The following MTHFD2L variants were observed in gnomAD, a reference collection of about 807,000 sequenced individuals.
MTHFD2L encodes the protein methylenetetrahydrofolate dehydrogenase (NADP+ dependent) 2 like, also known as bifunctional methylenetetrahydrofolate dehydrogenase/cyclohydrolase 2, mitochondrial.
In MTHFD2L, 29 loss-of-function variants were observed where a neutral mutation model predicts 34.9. That is an observed-to-expected ratio of 0.83 (90% CI 0.62 to 1.13). MTHFD2L has a LOEUF of 1.13. Ranked by LOEUF, MTHFD2L falls within the 50% of genes most tolerant of loss-of-function variation. The pLI is 0.00. For synonymous variants in MTHFD2L, 167 were observed against 155.7 expected, an observed-to-expected ratio of 1.07 and a Z score of -0.54; for missense variants, 481 against 446.5, an observed-to-expected ratio of 1.08 and a Z score of -0.70.
intron 4 of MTHFD2L, 23 bp downstream of exon 4, chr4:74,199,969 G>A (rs757817950): frequency 6.2e-7 from 1 of 1,612,912 alleles, no homozygotes; most frequent in Admixed American, 1.7e-5. Context: ...TGGTCTGCAG[G>A]ACATGGATGC....
chr4:74,184,859 CT>C (rs1401704061), intron 3 of MTHFD2L, among the ~76,000 whole-genome samples: 1 of 151,888 alleles, frequency 6.6e-6, no homozygotes, highest in East Asian at 1.9e-4. Context: ...GTAACAAAAC[CT>C]TCTGGAAGGC....
chr4:74,140,145 TA>T (rs896559869), intron 1 of MTHFD2L, among the ~76,000 whole-genome samples: 104 of 145,480 alleles, frequency 7.1e-4, no homozygotes, highest in Middle Eastern at 3.5e-3. Flanking sequence ...TACAAAAAAT[TA>T]AAAAAAAAAA....
intron 7 of MTHFD2L, among the ~76,000 whole-genome samples, chr4:74,287,736 G>A (rs1199176837): frequency 1.3e-5 from 2 of 152,156 alleles, no homozygotes; most frequent in Admixed American, 1.3e-4. Context: ...GACACAGTGA[G>A]ACTCTGTCTC....
intron 1 of MTHFD2L, 123 bp downstream of exon 1, chr4:74,158,404 C>A (rs777437929): frequency 8.2e-6 from 6 of 732,142 alleles, no homozygotes; most frequent in South Asian, 1.2e-4. Context: ...CGGGCTGGGT[C>A]GAGGACAGCC....
chr4:74,155,448 T>C (rs550717933), upstream of MTHFD2L, among the ~76,000 whole-genome samples: 14 of 152,274 alleles, frequency 9.2e-5, no homozygotes, highest in Non-Finnish European at 1.6e-4. Context: ...TCATCATATG[T>C]AGAAATATTT....
intron 1 of MTHFD2L, among the ~76,000 whole-genome samples, chr4:74,134,349 G>A (rs1026590564): frequency 6.6e-6 from 1 of 152,148 alleles, no homozygotes; most frequent in Non-Finnish European, 1.5e-5. Flanking sequence ...CCTTCCCACA[G>A]TGCTAGGGTA....
chr4:74,116,363 C>G (rs1721655411), intron 2 of MTHFD2L, among the ~76,000 whole-genome samples: 3 of 152,118 alleles, frequency 2.0e-5, no homozygotes, highest in South Asian at 2.1e-4. Context: ...CTTCCCCCAG[C>G]CACATCTCAA....
chr4:74,229,542 G>T (rs958056309), intron 6 of MTHFD2L, among the ~76,000 whole-genome samples: 1 of 152,158 alleles, frequency 6.6e-6, no homozygotes, highest in Non-Finnish European at 1.5e-5. Context: ...TCTGAGAGAT[G>T]AGAGTGAAGA....
At chr4:74,141,547 C>T (rs1171915138) in intron 1 of MTHFD2L, among the ~76,000 whole-genome samples, 2 of 152,154 alleles carry the variant, frequency 1.3e-5, no homozygotes, top group Admixed American at 6.5e-5. Flanking sequence ...GTCTTCTAAC[C>T]CTCCAAGGTC....
At chr4:74,291,116 C>G (rs1386188049) in intron 7 of MTHFD2L, among the ~76,000 whole-genome samples, 1 of 140,300 alleles carries the variant, frequency 7.1e-6, no homozygotes, top group East Asian at 2.3e-4. Context: ...CTCCTGGGTT[C>G]AAGCAATTCT....
intron 5 of MTHFD2L, among the ~76,000 whole-genome samples, chr4:74,220,331 T>C (rs1040592754): frequency 6.6e-6 from 1 of 152,080 alleles, no homozygotes; most frequent in East Asian, 1.9e-4. Flanking sequence ...AGACTTTTAC[T>C]GTAAATAACT....
intron 3 of MTHFD2L, among the ~76,000 whole-genome samples, chr4:74,192,174 C>A (rs190733961): frequency 2.6e-3 from 402 of 151,956 alleles, no homozygotes; most frequent in Middle Eastern, 0.014. Context: ...TGTTGATATG[C>A]TATCGGAAAA....
chr4:74,248,647 T>G (rs1403649028), intron 6 of MTHFD2L, among the ~76,000 whole-genome samples: 1 of 149,604 alleles, frequency 6.7e-6, no homozygotes, highest in African/African-American at 2.5e-5. Context: ...TACACACTGC[T>G]TTGAATGTGT....
At chr4:74,287,420 A>G (rs1185779933) in intron 7 of MTHFD2L, among the ~76,000 whole-genome samples, 5 of 152,112 alleles carry the variant, frequency 3.3e-5, no homozygotes, top group Non-Finnish European at 7.4e-5. Context: ...GTGAAGGACT[A>G]TAACAAAGGG....
rs112943918 is a variant in MTHFD2L, at chr4:74,277,805, A to ATTTGTTTGTTTG, written c.806-3600_806-3589dup. 3.9e-4 allele frequency among the ~76,000 whole-genome samples: 59 copies of ATTTGTTTGTTTG among 151,390 alleles called. 1 individual carries two copies. The highest frequency in any genetic ancestry group is 1.3e-3 in the African/African-American group (55 of 41,100). ...TCTCGTTTTGTTTTTAGGTGTATGC[A>ATTTGTTTGTTTG]TTTGTTTGTTTGTTTGTTTGTTTGT... On this transcript the variant is annotated intron_variant, in intron 6 of 7. Coordinates refer to ENST00000325278, the MANE Select transcript of MTHFD2L (RefSeq NM_001144978.3).
intron 5 of MTHFD2L, among the ~76,000 whole-genome samples, chr4:74,218,596 T>C: frequency 6.7e-6 from 1 of 149,538 alleles, no homozygotes; most frequent in Admixed American, 6.6e-5. Flanking sequence ...AGTGAATTCC[T>C]CATTAAGGTA....
At position 74,224,542 on chromosome 4, in the gene MTHFD2L, A is replaced by G. The variant is rs563360760; in HGVS notation, c.713-760A>G. ...ATGCAGTCTTAGCCGTATTCTTACC[A>G]GAAATCCTCTTGACTGCACTTTATC... On this transcript the variant is annotated intron_variant, in intron 5 of 7. Coordinates refer to ENST00000325278, the MANE Select transcript of MTHFD2L (RefSeq NM_001144978.3). Among the ~76,000 whole-genome samples, 13 of 152,260 alleles carry G rather than the reference A, an allele frequency of 8.5e-5. No individual in the cohort carries two copies. In the South Asian group the frequency reaches 2.7e-3, roughly 32 times the overall value.
At chr4:74,184,965 C>T (rs1287476623) in intron 3 of MTHFD2L, among the ~76,000 whole-genome samples, 6 of 151,470 alleles carry the variant, frequency 4.0e-5, no homozygotes, top group Non-Finnish European at 5.9e-5. Context: ...CTGGCTAACA[C>T]GGTGAAACCC....
chr4:74,206,365 G>T (rs1307328544), intron 5 of MTHFD2L, among the ~76,000 whole-genome samples: 3 of 152,080 alleles, frequency 2.0e-5, no homozygotes, highest in East Asian at 3.9e-4. Context: ...TTGTTAACCA[G>T]GGGCCTTGAA....
Sources: allele counts gnomAD v4.1 joint callset (sites outside exome capture counted in the v4.1 genomes callset), GRCh38; gene constraint gnomAD v4.1.1; transcripts MANE v1.5; gene names NCBI Gene and HGNC (gene_info 2026-07-23, HGNC 2026-07-21).